The following LYPD6B variants were observed in gnomAD, a reference collection of about 807,000 sequenced individuals.
The protein encoded by LYPD6B is ly6/PLAUR domain-containing protein 6B.
A neutral mutation model predicts 22.8 loss-of-function variants in LYPD6B; 17 were observed. The observed-to-expected ratio is 0.75, with a 90% CI of 0.51 to 1.12. The LOEUF is 1.12. Among genes scored for constraint, LYPD6B ranks in the 50% most tolerant of loss-of-function variants. The pLI, the probability that LYPD6B is intolerant of heterozygous loss-of-function variation, is 0.00. For missense variants in LYPD6B, 221 were observed against 258.3 expected (o/e 0.86, Z 0.99); for synonymous variants, 106 against 91.6 (o/e 1.16, Z -0.90).
chr2:149,141,407 A>AT lies in LYPD6B; in HGVS notation c.5+10458dup, dbSNP rs1688686578. 2.0e-5 allele frequency among the ~76,000 whole-genome samples: 3 copies of AT among 151,974 alleles called. No individual in the cohort carries two copies. In the South Asian group the frequency reaches 6.2e-4, roughly 32 times the overall value. On this transcript the variant is annotated intron_variant, in intron 2 of 6. Transcript: ENST00000409642. ...TTTTCATCTTCTGTATTTTTTGTAT[A>AT]TTTTCTATCATTTTGTTCTGTTATT...
chr2:149,062,860 CTTTTTTT>C (rs5835285), intron 1 of LYPD6B, among the ~76,000 whole-genome samples: 12 of 93,560 alleles, frequency 1.3e-4, no homozygotes, highest in Non-Finnish European at 2.1e-4. Flanking sequence ...GATACATGTT[CTTTTTTT>C]TTTTTTTTTT....
At chr2:149,202,487 A>C (rs117618223) in intron 3 of LYPD6B, among the ~76,000 whole-genome samples, 1 of 152,166 alleles carries the variant, frequency 6.6e-6, no homozygotes, top group Non-Finnish European at 1.5e-5. Context: ...TCGAATGTCA[A>C]CTACTCAGAG....
intron 1 of LYPD6B, among the ~76,000 whole-genome samples, chr2:149,071,335 A>G (rs927679379): frequency 1.3e-5 from 2 of 152,168 alleles, no homozygotes; most frequent in African/African-American, 4.8e-5. Context: ...GATTTGCTGT[A>G]TTTGCATACC....
At chr2:149,201,657 G>C (rs567095853) in intron 3 of LYPD6B, among the ~76,000 whole-genome samples, 1 of 152,322 alleles carries the variant, frequency 6.6e-6, no homozygotes, top group South Asian at 2.1e-4. Context: ...GATGGTAATA[G>C]ATTAGAAAAC....
At chr2:149,202,476 T>C (rs1283248158) in intron 3 of LYPD6B, among the ~76,000 whole-genome samples, 2 of 152,178 alleles carry the variant, frequency 1.3e-5, no homozygotes, top group African/African-American at 4.8e-5. Flanking sequence ...AATTTACCTG[T>C]TCGAATGTCA....
chr2:149,084,090 C>T (rs1384920974), intron 1 of LYPD6B, among the ~76,000 whole-genome samples: 1 of 148,994 alleles, frequency 6.7e-6, no homozygotes, highest in Non-Finnish European at 1.5e-5. Context: ...CAGAGCGAGA[C>T]TCCATCTCAA....
Position 149,212,908 on chromosome 2 carries a change from T to C in LYPD6B, c.329-84T>C. The C allele has an allele frequency of 2.2e-6, 3 of 1,385,216 alleles. No homozygotes were observed. The East Asian group carries it at 7.4e-5, about 34-fold the overall frequency. The allele number at this position is 1,385,216 out of a possible 1,614,324, so 85.8% of individuals were successfully genotyped here. A position where few individuals can be genotyped will look rare whatever the true frequency, so the allele number is the denominator to read the frequency against. On this transcript the variant is annotated intron_variant, in intron 5 of 6. Transcript: ENST00000409642. ...GGCCTGAATTTGAGTCCTTTCTGCA[T>C]TAATTGTTAAGAGATCTCTTTTGTA...
chr2:149,049,208 T>TA (rs1469964699), intron 1 of LYPD6B, among the ~76,000 whole-genome samples: 1 of 152,212 alleles, frequency 6.6e-6, no homozygotes, highest in African/African-American at 2.4e-5. Context: ...GGAGAAAACT[T>TA]AAGAGTTCTT....
At chr2:149,100,039 T>C (rs1304869909) in intron 1 of LYPD6B, among the ~76,000 whole-genome samples, 13 of 152,206 alleles carry the variant, frequency 8.5e-5, no homozygotes, top group Non-Finnish European at 1.5e-5. Context: ...GTTTTTGTTC[T>C]AAAGAGAACA....
At chr2:149,163,582 G>C (rs1251070747) in intron 3 of LYPD6B, among the ~76,000 whole-genome samples, 1 of 152,136 alleles carries the variant, frequency 6.6e-6, no homozygotes, top group African/African-American at 2.4e-5. Flanking sequence ...TAACAAATGG[G>C]GACTTAAGCC....
chr2:149,091,027 G>C (rs543953926), intron 1 of LYPD6B, among the ~76,000 whole-genome samples: 1 of 152,236 alleles, frequency 6.6e-6, no homozygotes, highest in East Asian at 1.9e-4. Context: ...AATGTTCAAA[G>C]TGTGATTATA....
chr2:149,125,282 C>G (rs1340811335), intron 1 of LYPD6B, among the ~76,000 whole-genome samples: 1 of 152,164 alleles, frequency 6.6e-6, no homozygotes, highest in East Asian at 1.9e-4. Flanking sequence ...ACAAACAAAG[C>G]CACACCTGGC....
intron 3 of LYPD6B, among the ~76,000 whole-genome samples, chr2:149,203,814 T>A (rs927856062): frequency 1.3e-5 from 2 of 152,196 alleles, no homozygotes; most frequent in African/African-American, 4.8e-5. Flanking sequence ...GATGATAGGA[T>A]GTTGTGGCTA....
intron 3 of LYPD6B, among the ~76,000 whole-genome samples, chr2:149,167,359 C>A (rs1470722300): frequency 2.0e-5 from 3 of 152,180 alleles, no homozygotes. Flanking sequence ...TCTGGCAAAC[C>A]TACCACTGTC....
intron 1 of LYPD6B, among the ~76,000 whole-genome samples, chr2:149,112,631 C>T (rs1686814852): frequency 6.6e-6 from 1 of 152,034 alleles, no homozygotes; most frequent in African/African-American, 2.4e-5. Context: ...AAAATACTAC[C>T]ATCATTAATG....
chr2:149,184,879 C>A (rs997540324), intron 3 of LYPD6B, among the ~76,000 whole-genome samples: 1 of 152,220 alleles, frequency 6.6e-6, no homozygotes, highest in Non-Finnish European at 1.5e-5. Flanking sequence ...AAATGTAGTA[C>A]GCGATAGGCA....
rs939636324 is a variant in LYPD6B at position 149,096,712 on chromosome 2, C to G, written c.-66-34171C>G. On this transcript the variant is annotated intron_variant, in intron 1 of 6. Transcript: ENST00000409642. ...TGATTTTTTTTCTCTTCTTAGTTGT[C>G]TTTTTCCTAAGCTTACTTTCTGCAG... 2.0e-5 allele frequency among the ~76,000 whole-genome samples: 3 copies of G among 152,060 alleles called. No homozygotes were observed. The East Asian group carries it at 5.8e-4, about 29-fold the overall frequency.
At chr2:149,204,918 T>C (rs139827374) in intron 3 of LYPD6B, 82 of 202,648 alleles carry the variant, frequency 4.0e-4, no homozygotes, top group African/African-American at 1.8e-3. Context: ...AGAAATCCAG[T>C]GATTCAGCAC....
At chr2:149,151,981 G>T (rs762410738) in intron 2 of LYPD6B, among the ~76,000 whole-genome samples, 1 of 152,042 alleles carries the variant, frequency 6.6e-6, no homozygotes, top group Non-Finnish European at 1.5e-5. Context: ...TTTTGGTTCT[G>T]TATTTAACTC....
Sources: allele counts gnomAD v4.1 joint callset (sites outside exome capture counted in the v4.1 genomes callset), GRCh38; gene constraint gnomAD v4.1.1; transcripts MANE v1.5; gene names NCBI Gene and HGNC (gene_info 2026-07-23, HGNC 2026-07-21).